ZNF362: variants seen among roughly 807,000 people sequenced by gnomAD.
ZNF362 encodes zinc finger protein 362.
ZNF362 carries 11 observed loss-of-function variants against 42.9 expected under a neutral mutation model. The observed-to-expected ratio is 0.26, with a 90% CI of 0.16 to 0.42. The LOEUF is 0.42. Among genes scored for constraint, ZNF362 ranks in the 20% least tolerant of loss-of-function variants. The probability of loss-of-function intolerance (pLI) is 1.00; values close to 1 mark genes in which losing one functional copy is unlikely to be tolerated. For missense variants in ZNF362, 362 were observed against 576.2 expected (o/e 0.63, Z 3.81); for synonymous variants, 255 against 257.3 (o/e 0.99, Z 0.09).
In ZNF362 at chr1:33,300,027, G is replaced by C. The variant is rs1414626201; in HGVS notation, c.*981G>C. ...TCAGCAGGGAAGGGATCCCCGGGGA[G>C]GCAGGTCCCAGGAGCAGACCCTGCC... On this transcript the variant is annotated 3_prime_UTR_variant, in exon 9 of 9. Transcript: ENST00000539719. The C allele has an allele frequency of 6.6e-6, 1 of 152,612 alleles. No homozygotes were observed. Among genetic ancestry groups the C allele is most frequent in the African/African-American group, 2.4e-5 (1 of 41,392 alleles). 9.5% of individuals were successfully genotyped at this position (152,612 alleles called of 1,614,324 possible). A position where few individuals can be genotyped will look rare whatever the true frequency, so the allele number is the denominator to read the frequency against.
chr1:33,170,299 G>A, the ZNF362 span, among the ~76,000 whole-genome samples: 1 of 143,010 alleles, frequency 7.0e-6, no homozygotes, highest in Non-Finnish European at 1.5e-5. Flanking sequence ...ACTCCAGCCT[G>A]GGTGACACAG....
chr1:33,263,606 T>C (rs183308154), intron 1 of ZNF362, among the ~76,000 whole-genome samples: 91 of 152,230 alleles, frequency 6.0e-4, no homozygotes, highest in Non-Finnish European at 1.1e-3. Context: ...AGATGGGGTT[T>C]TGCCATGTTG....
At chr1:33,175,050 T>TATGTATATGTATATG in the ZNF362 span, among the ~76,000 whole-genome samples, 1 of 151,396 alleles carries the variant, frequency 6.6e-6, no homozygotes, top group African/African-American at 2.4e-5. Context: ...TGTATATGTA[T>TATGTATATGTATATG]TTTTTTTAAG....
upstream of ZNF362, among the ~76,000 whole-genome samples, chr1:33,255,387 T>A (rs77140407): frequency 1.3e-3 from 204 of 152,296 alleles, 5 homozygotes; most frequent in East Asian, 0.033. Flanking sequence ...GACTGTGCGC[T>A]CCCTGAGGGC....
chr1:33,160,856 C>T, the ZNF362 span, among the ~76,000 whole-genome samples: 1 of 152,222 alleles, frequency 6.6e-6, no homozygotes, highest in Non-Finnish European at 1.5e-5. Context: ...CTCTAGGACC[C>T]TCTGGCTAAG....
chr1:33,268,013 T>C (rs1366748597), intron 1 of ZNF362, among the ~76,000 whole-genome samples: 1 of 152,200 alleles, frequency 6.6e-6, no homozygotes, highest in East Asian at 1.9e-4. Context: ...CTCACCAGTA[T>C]TGGGTGTTAG....
At chr1:33,250,890 A>AAGAAGAAGAAGAAGAAGAAGAAGAAGG in the ZNF362 span, among the ~76,000 whole-genome samples, 7 of 150,956 alleles carry the variant, frequency 4.6e-5, no homozygotes, top group Non-Finnish European at 8.9e-5. Context: ...GAAGAAGAAG[A>AAGAAGAAGAAGAAGAAGAAGAAGAAGG]AGAAGGAGAA....
chr1:33,281,527 C>G lies in ZNF362; in HGVS notation c.684-60C>G. ...GCAAGGTCTCTCTGATGTAGAAGGC[C>G]TCCCCTGAGATGGACAGTCTGGGGG... On this transcript the variant is annotated intron_variant, in intron 5 of 8. Transcript: ENST00000539719. The surrounding 1 kb of genome is among the most constrained non-coding windows in gnomAD (Gnocchi z 4.8). 6.5e-7 allele frequency: 1 copy of G among 1,549,718 alleles called. No individual in the cohort carries two copies. Among genetic ancestry groups the G allele is most frequent in the Non-Finnish European group, 8.9e-7 (1 of 1,124,570 alleles).
At chr1:33,222,055 T>G in the ZNF362 span, among the ~76,000 whole-genome samples, 1 of 152,124 alleles carries the variant, frequency 6.6e-6, no homozygotes. Flanking sequence ...CGGTGCCCAG[T>G]ATAGGTTCAT....
chr1:33,248,011 T>C, the ZNF362 span, among the ~76,000 whole-genome samples: 1 of 152,242 alleles, frequency 6.6e-6, no homozygotes, highest in East Asian at 1.9e-4. Context: ...ATTGTTGGTG[T>C]GTACTGCTTC....
intron 6 of ZNF362, among the ~76,000 whole-genome samples, chr1:33,285,940 G>A (rs1355201304): frequency 6.6e-6 from 1 of 152,200 alleles, no homozygotes; most frequent in East Asian, 1.9e-4. Context: ...GCGGGTGCCT[G>A]TAATTCCAGC....
At chr1:33,223,872 A>C in the ZNF362 span, among the ~76,000 whole-genome samples, 1 of 151,140 alleles carries the variant, frequency 6.6e-6, no homozygotes, top group Non-Finnish European at 1.5e-5. Flanking sequence ...CAGCCTGGGC[A>C]AAAAGAGTGA....
At chr1:33,165,341 G>C in the ZNF362 span, 1 of 801,106 alleles carries the variant, frequency 1.2e-6, no homozygotes, top group South Asian at 1.8e-5. This position sits in a 1 kb window ranked among gnomAD's most constrained non-coding sequence, Gnocchi z 4.0. Context: ...TCTCACTCCA[G>C]GTTTGGCTCC....
chr1:33,161,043 C>T, the ZNF362 span, among the ~76,000 whole-genome samples: 1 of 152,216 alleles, frequency 6.6e-6, no homozygotes, highest in African/African-American at 2.4e-5. The surrounding 1 kb of genome is among the most constrained non-coding windows in gnomAD (Gnocchi z 4.3). Context: ...ATGGCAACGT[C>T]AGTTGCCTAA....
intron 2 of ZNF362, chr1:33,274,946 A>G: frequency 1.0e-6 from 1 of 985,260 alleles, no homozygotes; most frequent in Non-Finnish European, 1.2e-6. Flanking sequence ...TTGAGATTAG[A>G]TTGTGTCCTT....
At chr1:33,199,521 T>C in the ZNF362 span, among the ~76,000 whole-genome samples, 1 of 151,982 alleles carries the variant, frequency 6.6e-6, no homozygotes, top group Non-Finnish European at 1.5e-5. Flanking sequence ...ACAAGAAATG[T>C]TAAAGGAAGT....
chr1:33,160,631 C>A, the ZNF362 span, among the ~76,000 whole-genome samples: 9 of 152,200 alleles, frequency 5.9e-5, no homozygotes, highest in South Asian at 1.9e-3. Flanking sequence ...TCTCAAACAC[C>A]TGACGTTAGG....
the ZNF362 span, among the ~76,000 whole-genome samples, chr1:33,141,607 A>G: frequency 1.7e-4 from 26 of 152,252 alleles, 1 homozygote; most frequent in Admixed American, 1.3e-3. Flanking sequence ...TTATCATGAC[A>G]TCAGGGTAGG....
intron 6 of ZNF362, among the ~76,000 whole-genome samples, chr1:33,293,065 G>C (rs1474355085): frequency 6.6e-6 from 1 of 152,236 alleles, no homozygotes; most frequent in Non-Finnish European, 1.5e-5. Context: ...TCTAGCAGGG[G>C]AGAGAAGTGT....
Sources: allele counts gnomAD v4.1 joint callset (sites outside exome capture counted in the v4.1 genomes callset), GRCh38; gene constraint gnomAD v4.1.1; non-coding constraint Gnocchi (gnomAD v3.1); transcripts MANE v1.5; gene names NCBI Gene and HGNC (gene_info 2026-07-23, HGNC 2026-07-21).